Variants in TSPAN32 observed in about 807,000 individuals in gnomAD.
TSPAN32 encodes tetraspanin 32, also known as tetraspanin-32.
TSPAN32 carries 47 observed loss-of-function variants against 42.7 expected under a neutral mutation model. The observed-to-expected ratio is 1.10, with a 90% CI of 0.87 to 1.40. TSPAN32 has a LOEUF of 1.40. Ranked by LOEUF, TSPAN32 falls within the 40% of genes most tolerant of loss-of-function variation. TSPAN32 has a pLI of 0.00. For synonymous variants in TSPAN32, 175 were observed against 175.9 expected (o/e 0.99, Z 0.04); for missense variants, 469 against 424.1 (o/e 1.11, Z -0.93).
intron 6 of TSPAN32, chr11:2,315,444 GC>G: frequency 1.8e-6 from 2 of 1,131,520 alleles, no homozygotes; most frequent in Non-Finnish European, 2.2e-6. Flanking sequence ...GACTGAAAAG[GC>G]CCCCGACTGA....
intron 4 of TSPAN32, among the ~76,000 whole-genome samples, chr11:2,311,066 C>T (rs1018398466): frequency 3.9e-5 from 6 of 152,204 alleles, no homozygotes; most frequent in South Asian, 2.1e-4. Flanking sequence ...GAGCCCAGCC[C>T]GGCCCATTCA....
rs1323863272 is a variant in TSPAN32 at position 2,317,155 on chromosome 11, C to T, written c.720-189C>T. Among the ~76,000 whole-genome samples, 2 of 152,140 alleles carry T rather than the reference C, an allele frequency of 1.3e-5. No homozygotes were observed. The highest frequency in any genetic ancestry group is 4.8e-5 in the African/African-American group (2 of 41,416). On this transcript the variant is annotated intron_variant, in intron 8 of 9. Transcript: ENST00000182290. This position sits in a 1 kb window ranked among gnomAD's most constrained non-coding sequence, Gnocchi z 6.2. ...CTGGGTCCTCTGCATTCTACAATAG[C>T]CTCACAGTCCCGTCTAGAACATTCT...
intron 7 of TSPAN32, 30 bp downstream of exon 7, chr11:2,316,342 C>A: frequency 1.9e-6 from 3 of 1,573,512 alleles, no homozygotes; most frequent in Non-Finnish European, 2.6e-6. Flanking sequence ...ACTGCCCCTT[C>A]CCACCTCCTG....
chr11:2,315,708 C>T, intron 6 of TSPAN32: 1 of 1,209,650 alleles, frequency 8.3e-7, no homozygotes, highest in Non-Finnish European at 1.1e-6. Context: ...GGCCTGCCAC[C>T]TCCCTTTTCT....
At position 2,313,020 on chromosome 11, in the gene TSPAN32, T is replaced by A. The variant is rs1446351468; in HGVS notation, c.355-634T>A. Among the ~76,000 whole-genome samples, 1 of 152,092 alleles carries A rather than the reference T, an allele frequency of 6.6e-6. No homozygotes were observed. Among genetic ancestry groups the A allele is most frequent in the Non-Finnish European group, 1.5e-5 (1 of 68,004 alleles). On this transcript the variant is annotated intron_variant, in intron 4 of 9. Coordinates refer to ENST00000182290, the MANE Select transcript of TSPAN32 (RefSeq NM_139022.3). This position sits in a 1 kb window ranked among gnomAD's most constrained non-coding sequence, Gnocchi z 9.1. ...GGAGGGTGGAGACATGAGGTCCAGG[T>A]GTTGGTGAGGTGTGGAGCGCAGGCA...
chr11:2,306,741 G>A (rs574390088), intron 3 of TSPAN32, among the ~76,000 whole-genome samples: 17 of 147,702 alleles, frequency 1.2e-4, no homozygotes, highest in Non-Finnish European at 1.9e-4. Context: ...GGAGGAGGAC[G>A]AAGAAGGAGG....
Position 2,317,196 on chromosome 11 carries a change from TC to T in TSPAN32, c.720-143del. On this transcript the variant is annotated intron_variant, in intron 8 of 9. Transcript: ENST00000182290. The surrounding 1 kb of genome is among the most constrained non-coding windows in gnomAD (Gnocchi z 6.2). Reference sequence around the variant, plus strand: ...AGAACATTCTGCAACAGCCTCACAGTCCCCCTAGAACATTCCACAGCAGCTC... The same window carrying T: ...AGAACATTCTGCAACAGCCTCACAGTCCCCTAGAACATTCCACAGCAGCTC... 1 of 642,848 alleles carries T rather than the reference TC, an allele frequency of 1.6e-6. No individual in the cohort carries two copies. Among genetic ancestry groups the T allele is most frequent in the Non-Finnish European group, 2.7e-6 (1 of 373,642 alleles). The allele number at this position is 642,848 out of a possible 1,614,324, so 39.8% of individuals were successfully genotyped here.
intron 6 of TSPAN32, chr11:2,315,801 C>A (rs1303169905): frequency 2.3e-6 from 3 of 1,317,268 alleles, no homozygotes; most frequent in Non-Finnish European, 3.0e-6. Flanking sequence ...GTGCGGGGAC[C>A]CCCCTCACAC....
intron 3 of TSPAN32, among the ~76,000 whole-genome samples, chr11:2,307,904 G>A (rs1848211002): frequency 6.6e-6 from 1 of 152,162 alleles, no homozygotes; most frequent in Non-Finnish European, 1.5e-5. Context: ...TCCTGAGCAG[G>A]CACCACACCT....
rs779955859 is a variant in TSPAN32, at chr11:2,316,298, G to C, written c.613G>C (p.Gly205Arg). Reference protein sequence around the residue: ...QQVASSLTSIGLALTVSALLF... With the variant: ...QQVASSLTSIRLALTVSALLF... Reference sequence around the variant, plus strand: ...GGTCGCCTCCAGCCTGACCAGCATCGGCCTGGCCCTCACGGTACCCTCTCG... The same window carrying C: ...GGTCGCCTCCAGCCTGACCAGCATCCGCCTGGCCCTCACGGTACCCTCTCG... The change falls in exon 7 of 10, where the codon GGC (glycine) becomes CGC (arginine). Residue 205 changes from glycine to arginine, a missense_variant. By Grantham distance (125) the Gly-to-Arg change is moderately radical. Transcript: ENST00000182290. 1 of 1,601,278 alleles carries C rather than the reference G, an allele frequency of 6.2e-7. No homozygotes were observed.
At chr11:2,305,378 C>CCCG (rs1554938645) in intron 3 of TSPAN32, among the ~76,000 whole-genome samples, 4 of 151,524 alleles carry the variant, frequency 2.6e-5, no homozygotes, top group African/African-American at 9.7e-5. Flanking sequence ...CTGCCCCCCC[C>CCCG]CCCAGAGGGT....
Position 2,303,368 on chromosome 11 carries a change from G to C in TSPAN32, c.181+410G>C, listed in dbSNP as rs1029199086. The C allele has an allele frequency of 2.4e-5, 5 of 208,208 alleles. No homozygotes were observed. The Admixed American group carries it at 2.9e-4, about 12-fold the overall frequency. 12.9% of individuals were successfully genotyped at this position (208,208 alleles called of 1,614,324 possible). A position where few individuals can be genotyped will look rare whatever the true frequency, so the allele number is the denominator to read the frequency against. On this transcript the variant is annotated intron_variant, in intron 2 of 9. Transcript: ENST00000182290. ...CCACTCAGGACCTGGGATGTGGGTG[G>C]GGAGGGGGTGGGGGCTGCTCTAGCC... is the stretch of plus-strand genomic sequence containing the variant.
intron 4 of TSPAN32, chr11:2,309,538 C>T (rs1848342411): frequency 2.8e-6 from 1 of 355,232 alleles, no homozygotes; most frequent in Middle Eastern, 9.3e-4. Context: ...AGCCGGGCGG[C>T]ACCAGGGACA....
chr11:2,308,837 A>T, intron 4 of TSPAN32, 27 bp downstream of exon 4: 1 of 1,503,614 alleles, frequency 6.7e-7, no homozygotes, highest in Non-Finnish European at 9.1e-7. Context: ...CCTACCCTGC[A>T]GTGGAGGGTC....
intron 8 of TSPAN32, among the ~76,000 whole-genome samples, 174 bp downstream of exon 8, chr11:2,316,841 A>G (rs896202726): frequency 2.0e-5 from 3 of 151,948 alleles, no homozygotes; most frequent in Admixed American, 6.6e-5. Flanking sequence ...AGACCTGGAG[A>G]GTTTCCAGAC....
At chr11:2,314,820 G>T in intron 6 of TSPAN32, 1 of 539,746 alleles carries the variant, frequency 1.9e-6, no homozygotes, top group East Asian at 3.2e-5. Context: ...TTGCCCAGCT[G>T]GACGCAGGCC....
At chr11:2,303,012 G>A in intron 2 of TSPAN32, 54 bp downstream of exon 2, 2 of 1,495,634 alleles carry the variant, frequency 1.3e-6, no homozygotes, top group Non-Finnish European at 9.2e-7. Context: ...TGCAAGGGTG[G>A]CTGGCACGAG....
intron 6 of TSPAN32, chr11:2,315,466 C>G: frequency 8.8e-7 from 1 of 1,133,236 alleles, no homozygotes; most frequent in Non-Finnish European, 1.1e-6. Context: ...AAAGCAGGAG[C>G]GAGGGCCTGC....
Position 2,317,244 on chromosome 11 carries a change from C to G in TSPAN32, c.720-100C>G. The G allele has an allele frequency of 1.1e-6, 1 of 934,434 alleles. No homozygotes were observed. The highest frequency in any genetic ancestry group is 1.6e-6 in the Non-Finnish European group (1 of 615,728). 57.9% of individuals were successfully genotyped at this position (934,434 alleles called of 1,614,324 possible). On this transcript the variant is annotated intron_variant, in intron 8 of 9. Coordinates refer to ENST00000182290, the MANE Select transcript of TSPAN32 (RefSeq NM_139022.3). The surrounding 1 kb of genome is among the most constrained non-coding windows in gnomAD (Gnocchi z 6.2). ...GCTCCATAATCCCCTCCAGAACATT[C>G]TGCAACAGCCCCATGATCCCCTCTA...
Sources: gnomAD v4.1 joint callset for allele counts (sites outside exome capture counted in the v4.1 genomes callset) on GRCh38, gnomAD v4.1.1 for gene constraint, Gnocchi (gnomAD v3.1) non-coding constraint, MANE v1.5 for transcripts, NCBI Gene and HGNC (gene_info 2026-07-23, HGNC 2026-07-21) for gene names.